LRFN1: variants seen among roughly 807,000 people sequenced by gnomAD.
LRFN1 encodes leucine rich repeat and fibronectin type III domain containing 1, also known as leucine-rich repeat and fibronectin type III domain-containing protein 1.
LRFN1 carries 20 observed loss-of-function variants against 31.8 expected under a neutral mutation model. The ratio of observed to expected loss-of-function variants is 0.63; its 90% CI spans 0.44 to 0.91. The LOEUF is 0.91. Among genes scored for constraint, LRFN1 ranks in the 40% least tolerant of loss-of-function variants. The probability of loss-of-function intolerance (pLI) is 0.00; values close to 1 mark genes in which losing one functional copy is unlikely to be tolerated. For missense variants in LRFN1, 912 were observed against 1,129.8 expected, an observed-to-expected ratio of 0.81 and a Z score of 2.76; for synonymous variants, 514 against 541.3, an observed-to-expected ratio of 0.95 and a Z score of 0.70.
intron 1 of LRFN1, among the ~76,000 whole-genome samples, 197 bp downstream of exon 1, chr19:39,320,596 C>T (rs1183529067): frequency 1.3e-5 from 2 of 151,674 alleles, no homozygotes; most frequent in Non-Finnish European, 2.9e-5. Flanking sequence ...CGGCCGGGCT[C>T]GACACCCCGC....
Position 39,315,118 on chromosome 19 carries a change from G to T in LRFN1, c.219C>A (p.Thr73=), listed in dbSNP as rs756205597. The change falls in exon 4 of 5, where the codon ACC becomes ACA. Residue 73 remains threonine (T), a synonymous_variant. Transcript: ENST00000248668. The surrounding 1 kb of genome is among the most constrained non-coding windows in gnomAD (Gnocchi z 4.7). ...IDRRVVELRL[T]DNFIAAVRRR... is the part of the protein sequence containing the mutation. ...GGCGCACGGCGGCGATGAAGTTGTCGGTGAGCCGCAGCTCCACCACGCGCC... is the reference window on the plus strand; with the variant it reads ...GGCGCACGGCGGCGATGAAGTTGTCTGTGAGCCGCAGCTCCACCACGCGCC... 2.5e-6 allele frequency: 4 copies of T among 1,593,432 alleles called. No individual in the cohort carries two copies. The highest frequency in any genetic ancestry group is 1.7e-6 in the Non-Finnish European group (2 of 1,177,368).
intron 1 of LRFN1, among the ~76,000 whole-genome samples, chr19:39,320,305 G>GACACAC (rs35232910): frequency 0.028 from 3,827 of 134,658 alleles, 125 homozygotes; most frequent in African/African-American, 0.076. Flanking sequence ...ACAACCCGCA[G>GACACAC]ACACACACAC....
rs1028770574 is a variant in LRFN1, at chr19:39,307,078, G to A, written c.*555C>T. On this transcript the variant is annotated 3_prime_UTR_variant, in exon 5 of 5. Coordinates refer to ENST00000248668, the MANE Select transcript of LRFN1 (RefSeq NM_020862.2). This position sits in a 1 kb window ranked among gnomAD's most constrained non-coding sequence, Gnocchi z 6.7. ...CAAATAGGGAAAGACAGGCACTACA[G>A]AGAGACGACAAGAGGGCGGGATAGA... is the stretch of plus-strand genomic sequence containing the variant. 2 of 389,162 alleles carry A rather than the reference G, an allele frequency of 5.1e-6. No individual in the cohort carries two copies. Among genetic ancestry groups the A allele is most frequent in the African/African-American group, 4.1e-5 (2 of 48,338 alleles). 24.1% of individuals were successfully genotyped at this position (389,162 alleles called of 1,614,324 possible).
rs567203696 is a variant in LRFN1 at position 39,311,226 on chromosome 19, G to T, written c.1407-2684C>A. Among the ~76,000 whole-genome samples, 70 of 152,206 alleles carry T rather than the reference G, an allele frequency of 4.6e-4. 1 individual carries two copies. The highest frequency in any genetic ancestry group is 5.3e-4 in the Non-Finnish European group (36 of 68,040). ...GGCTGCCACCTCCGCCCATGACAGC[G>T]TGAGGAAGTTAACCCCTGCGGCACC... On this transcript the variant is annotated intron_variant, in intron 4 of 4. Transcript: ENST00000248668.
At chr19:39,313,781 A>G in intron 4 of LRFN1, 150 bp downstream of exon 4, 2 of 699,190 alleles carry the variant, frequency 2.9e-6, no homozygotes, top group Non-Finnish European at 4.7e-6. Context: ...TGAGAAATAG[A>G]GAGAGGAGAC....
chr19:39,311,303 A>G (rs2075149760), intron 4 of LRFN1, among the ~76,000 whole-genome samples: 1 of 152,144 alleles, frequency 6.6e-6, no homozygotes, highest in Non-Finnish European at 1.5e-5. Context: ...GGGGCCCTAC[A>G]GGGAAGAGAA....
chr19:39,315,931 C>A lies in LRFN1; in HGVS notation c.-38+151G>T, dbSNP rs1472768041. On this transcript the variant is annotated intron_variant, in intron 3 of 4. Coordinates refer to ENST00000248668, the MANE Select transcript of LRFN1 (RefSeq NM_020862.2). The surrounding 1 kb of genome is among the most constrained non-coding windows in gnomAD (Gnocchi z 4.7). ...CTCCTGTAGTAGCTCCCAAACCTCT[C>A]ATGATCTCCCAACCAGAGGGGTGAC... Among the ~76,000 whole-genome samples the A allele has an allele frequency of 1.3e-5, 2 of 152,228 alleles. No individual in the cohort carries two copies. The highest frequency in any genetic ancestry group is 2.9e-5 in the Non-Finnish European group (2 of 68,036).
rs755039415 is a variant in LRFN1 at position 39,314,086 on chromosome 19, T to C, written c.1251A>G (p.Pro417=). 1 of 1,612,560 alleles carries C rather than the reference T, an allele frequency of 6.2e-7. No individual in the cohort carries two copies. The highest frequency in any genetic ancestry group is 8.5e-7 in the Non-Finnish European group (1 of 1,179,586). ...GCTCAGCCGCAGAATCGTTGGCACC[T>C]GGTCTGCCCGGCGTGGCGATGTCAG... ...GSSDIATPGR[P]GANDSAAERR... Residue 417 remains proline (P), a synonymous_variant, in exon 4 of 5, where the codon CCA becomes CCG. Transcript: ENST00000248668.
At chr19:39,320,124 G>A (rs2075183671) in intron 1 of LRFN1, among the ~76,000 whole-genome samples, 1 of 145,356 alleles carries the variant, frequency 6.9e-6, no homozygotes, top group South Asian at 2.2e-4. Context: ...CCACCGGGAA[G>A]GGGAAGACAT....
At chr19:39,317,194 GAC>G (rs1032715351) in intron 2 of LRFN1, among the ~76,000 whole-genome samples, 2 of 152,118 alleles carry the variant, frequency 1.3e-5, no homozygotes, top group African/African-American at 2.4e-5. Context: ...ACAGAAAAAA[GAC>G]ACAGAGATGG....
chr19:39,318,725 C>T (rs1003284493), intron 1 of LRFN1, among the ~76,000 whole-genome samples: 1 of 152,184 alleles, frequency 6.6e-6, no homozygotes, highest in Non-Finnish European at 1.5e-5. Flanking sequence ...AAGTCCTGAA[C>T]GGTACCAAGA....
Position 39,308,632 on chromosome 19 carries a change from T to A in LRFN1, c.1407-90A>T, listed in dbSNP as rs1306240049. 15 of 1,168,212 alleles carry A rather than the reference T, an allele frequency of 1.3e-5. No individual in the cohort carries two copies. The East Asian group carries it at 3.8e-4, about 30-fold the overall frequency. The allele number at this position is 1,168,212 out of a possible 1,614,324, so 72.4% of individuals were successfully genotyped here. On this transcript the variant is annotated intron_variant, in intron 4 of 4. Coordinates refer to ENST00000248668, the MANE Select transcript of LRFN1 (RefSeq NM_020862.2). The surrounding 1 kb of genome is among the most constrained non-coding windows in gnomAD (Gnocchi z 6.2). ...CCCGCCCATGGTGAACAGTGGGGAC[T>A]AAACCCTGCTATCGAAGTCTCAGCC...
chr19:39,315,137 A>G lies in LRFN1; in HGVS notation c.200T>C (p.Val67Ala). 6.3e-7 allele frequency: 1 copy of G among 1,591,824 alleles called. No homozygotes were observed. Among genetic ancestry groups the G allele is most frequent in the Non-Finnish European group, 8.5e-7 (1 of 1,176,228 alleles). Reference sequence around the variant, plus strand: ...GTTGTCGGTGAGCCGCAGCTCCACCACGCGCCGGTCGATGGCGGGCGGCAC... The same window carrying G: ...GTTGTCGGTGAGCCGCAGCTCCACCGCGCGCCGGTCGATGGCGGGCGGCAC... ...LFVPPAIDRR[V>A]VELRLTDNFI... is the part of the protein sequence containing the mutation. Residue 67 changes from valine (V) to alanine (A), a missense_variant, in exon 4 of 5, where the codon GTG (valine) becomes GCG (alanine). Coordinates refer to ENST00000248668, the MANE Select transcript of LRFN1 (RefSeq NM_020862.2). The surrounding 1 kb of genome is among the most constrained non-coding windows in gnomAD (Gnocchi z 4.7).
intron 4 of LRFN1, 104 bp downstream of exon 4, chr19:39,313,827 T>C (rs1160500279): frequency 3.7e-6 from 4 of 1,082,042 alleles, no homozygotes; most frequent in Non-Finnish European, 5.3e-6. Flanking sequence ...CTCACAGCCA[T>C]CTAGAACCCT....
At position 39,308,269 on chromosome 19, in the gene LRFN1, C is replaced by T. The variant is rs2075137465; in HGVS notation, c.1680G>A (p.Lys560=). 6.2e-7 allele frequency: 1 copy of T among 1,613,158 alleles called. No homozygotes were observed. Among genetic ancestry groups the T allele is most frequent in the South Asian group, 1.1e-5 (1 of 91,068 alleles). ...GGCGGCTGTCCCCGTCGCCATACAC[C>T]TTATAGCGGATCATGAGCAGAACGA... The part of the protein sequence containing the change: ...VFIVLLMIRY[K]VYGDGDSRRV... Residue 560 remains lysine, a synonymous_variant, in exon 5 of 5, where the codon AAG becomes AAA. Coordinates refer to ENST00000248668, the MANE Select transcript of LRFN1 (RefSeq NM_020862.2). This position sits in a 1 kb window ranked among gnomAD's most constrained non-coding sequence, Gnocchi z 6.2.
rs760009961 is a variant in LRFN1 at position 39,314,952 on chromosome 19, G to T, written c.385C>A (p.Arg129Ser). ...CCCAGGCCGCGGAGCTGGTCGCCGC[G>T]CACCTCCGCCAGGCGGTTGCTGTCC... is the stretch of plus-strand genomic sequence containing the variant. ...HLDSNRLAEV[R>S]GDQLRGLGNL... Residue 129 changes from arginine to serine, a missense_variant, in exon 4 of 5, where the codon CGC becomes AGC. Around this residue, in one of 2 missense-constraint regions of LRFN1, gnomAD observed 401 missense variants for 572.7 expected, o/e 0.70. Transcript: ENST00000248668. 6.3e-7 allele frequency: 1 copy of T among 1,596,726 alleles called. No homozygotes were observed. The highest frequency in any genetic ancestry group is 1.3e-5 in the African/African-American group (1 of 74,874).
rs1463065971 is a variant in LRFN1, at chr19:39,315,076, G to A, written c.261C>T (p.Asn87=). 4 of 1,596,234 alleles carry A rather than the reference G, an allele frequency of 2.5e-6. No homozygotes were observed. Among genetic ancestry groups the A allele is most frequent in the Admixed American group, 1.7e-5 (1 of 59,552 alleles). ...GAGTGAGGTGCACCAGGCTGGTCAT[G>A]TTGGCGAAGTCTCGGCGGCGCACGG... ...IAAVRRRDFA[N]MTSLVHLTLS... is the part of the protein sequence containing the mutation. Residue 87 remains asparagine, a synonymous_variant, in exon 4 of 5, where the codon AAC becomes AAT. Transcript: ENST00000248668. The surrounding 1 kb of genome is among the most constrained non-coding windows in gnomAD (Gnocchi z 4.7).
intron 4 of LRFN1, among the ~76,000 whole-genome samples, chr19:39,310,918 C>T (rs1043546036): frequency 6.6e-6 from 1 of 152,186 alleles, no homozygotes; most frequent in Non-Finnish European, 1.5e-5. Flanking sequence ...GGTCCACCCA[C>T]TTCTCCAACT....
At chr19:39,319,699 A>ACC (rs907958261) in intron 1 of LRFN1, among the ~76,000 whole-genome samples, 1 of 151,652 alleles carries the variant, frequency 6.6e-6, no homozygotes, top group Non-Finnish European at 1.5e-5. Flanking sequence ...GCCCTGAGGC[A>ACC]CCCCCCCACC....
Sources: gnomAD v4.1 joint callset for allele counts (sites outside exome capture counted in the v4.1 genomes callset) on GRCh38, gnomAD v4.1.1 for gene constraint, gnomAD v4.1.1 regional missense constraint, Gnocchi (gnomAD v3.1) non-coding constraint, MANE v1.5 for transcripts, NCBI Gene and HGNC (gene_info 2026-07-23, HGNC 2026-07-21) for gene names.